Variants in KLF12 observed in about 807,000 individuals in gnomAD.
KLF12 encodes the protein KLF transcription factor 12.
A neutral mutation model predicts 37.8 loss-of-function variants in KLF12; 9 were observed. That is an observed-to-expected ratio of 0.24 (90% CI 0.14 to 0.42). KLF12 has a LOEUF of 0.42. Ranked by LOEUF, KLF12 falls within the 10% of genes least tolerant of loss-of-function variation. KLF12 has a pLI of 1.00. For synonymous variants in KLF12, 208 were observed against 202.1 expected (o/e 1.03, Z -0.25); for missense variants, 411 against 516.0 (o/e 0.80, Z 1.97).
chr13:73,946,762 G>C (rs1326567102), intron 2 of KLF12, among the ~76,000 whole-genome samples: 2 of 152,254 alleles, frequency 1.3e-5, no homozygotes, highest in East Asian at 3.9e-4. Flanking sequence ...GATTCAATCT[G>C]TATATATGCC....
At chr13:74,079,992 G>C (rs1468681894) in intron 1 of KLF12, among the ~76,000 whole-genome samples, 1 of 152,126 alleles carries the variant, frequency 6.6e-6, no homozygotes, top group African/African-American at 2.4e-5. Context: ...AAAGATGAAT[G>C]GATACACAAA....
chr13:73,888,571 GAGA>G (rs1334932690), intron 3 of KLF12, among the ~76,000 whole-genome samples: 3 of 152,218 alleles, frequency 2.0e-5, no homozygotes, highest in East Asian at 1.9e-4. Flanking sequence ...TAGTTAAAAA[GAGA>G]AGGTTATTGT....
At chr13:73,986,675 T>C (rs1042371171) in intron 2 of KLF12, among the ~76,000 whole-genome samples, 5 of 152,170 alleles carry the variant, frequency 3.3e-5, no homozygotes, top group Non-Finnish European at 2.9e-5. Flanking sequence ...TTATCTAGGA[T>C]AGGCCAAAGT....
At chr13:73,778,030 A>T (rs1045813331) in intron 5 of KLF12, among the ~76,000 whole-genome samples, 1 of 151,472 alleles carries the variant, frequency 6.6e-6, no homozygotes, top group Non-Finnish European at 1.5e-5. Context: ...GCTACTTGGG[A>T]GGCTGAGGCA....
chr13:73,770,630 C>A (rs1200091816), intron 5 of KLF12, among the ~76,000 whole-genome samples: 1 of 151,742 alleles, frequency 6.6e-6, no homozygotes, highest in East Asian at 1.9e-4. Context: ...TCAAGCAATT[C>A]TCCTGCCTCA....
intron 6 of KLF12, among the ~76,000 whole-genome samples, chr13:73,716,315 GAAAT>G (rs1421020999): frequency 6.6e-6 from 1 of 152,140 alleles, no homozygotes; most frequent in African/African-American, 2.4e-5. Context: ...GATTGAGACA[GAAAT>G]AATATGACTC....
At chr13:73,977,657 T>C (rs544524074) in intron 2 of KLF12, among the ~76,000 whole-genome samples, 67 of 152,332 alleles carry the variant, frequency 4.4e-4, no homozygotes, top group African/African-American at 1.6e-3. Flanking sequence ...AGACCTAGAA[T>C]AGTTAATATA....
the KLF12 span, among the ~76,000 whole-genome samples, chr13:74,198,212 G>A: frequency 9.2e-5 from 14 of 152,228 alleles, no homozygotes; most frequent in Admixed American, 5.2e-4. Flanking sequence ...AGACCCAGGC[G>A]GGGAAAGAAG....
the KLF12 span, among the ~76,000 whole-genome samples, chr13:74,211,356 G>A: frequency 6.6e-6 from 1 of 152,214 alleles, no homozygotes; most frequent in African/African-American, 2.4e-5. Flanking sequence ...ATCAGGTCGG[G>A]GTAAGGAGTT....
intron 6 of KLF12, among the ~76,000 whole-genome samples, chr13:73,740,092 G>GT (rs1432225009): frequency 6.6e-6 from 1 of 152,136 alleles, no homozygotes; most frequent in African/African-American, 2.4e-5. Context: ...CTGAAAGCTG[G>GT]TTTTTTAAAT....
At chr13:74,134,565 G>A (rs1361709338), upstream of KLF12, among the ~76,000 whole-genome samples, 2 of 149,454 alleles carry the variant, frequency 1.3e-5, no homozygotes, top group African/African-American at 2.5e-5. Context: ...CCGCCCTCCG[G>A]CCCCGGGCCT....
rs146628054 is a variant in KLF12 at position 73,692,636 on chromosome 13, T to A, written c.*2854A>T. On this transcript the variant is annotated 3_prime_UTR_variant, in exon 8 of 8. Transcript: ENST00000377669. The stretch of plus-strand genomic sequence containing the variant: ...CTTCCATGACTGAAGACATTCCATT[T>A]CTTTCTGTCCCAAACCACTTTCTCC... The A allele has an allele frequency of 3.9e-5, 6 of 152,778 alleles. No individual in the cohort carries two copies. The East Asian group carries it at 1.2e-3, about 30-fold the overall frequency. The allele number at this position is 152,778 out of a possible 1,614,324, so 9.5% of individuals were successfully genotyped here.
At chr13:73,852,543 A>G (rs573884747) in intron 3 of KLF12, among the ~76,000 whole-genome samples, 2 of 152,272 alleles carry the variant, frequency 1.3e-5, no homozygotes, top group East Asian at 3.9e-4. Flanking sequence ...ACATTTTGGG[A>G]GGCTGAGGCG....
intron 1 of KLF12, among the ~76,000 whole-genome samples, chr13:74,087,330 TA>T (rs376989402): frequency 0.017 from 2,568 of 150,372 alleles, 73 homozygotes; most frequent in African/African-American, 0.06. Context: ...CAGAAGGGTT[TA>T]AAAAAAATTT....
intron 1 of KLF12, among the ~76,000 whole-genome samples, chr13:74,001,177 C>A (rs1264770238): frequency 6.6e-6 from 1 of 152,142 alleles, no homozygotes; most frequent in Non-Finnish European, 1.5e-5. Context: ...TTAATCCCAT[C>A]TATCAGGAGG....
chr13:73,795,387 T>C (rs1174308950), intron 5 of KLF12, among the ~76,000 whole-genome samples: 1 of 152,354 alleles, frequency 6.6e-6, no homozygotes, highest in East Asian at 1.9e-4. Flanking sequence ...TGATATTCTC[T>C]ACCTGTCTCC....
chr13:73,868,513 C>T (rs9530255), intron 3 of KLF12, among the ~76,000 whole-genome samples: 63,629 of 151,440 alleles, frequency 0.42, 13,830 homozygotes, highest in Middle Eastern at 0.5. Context: ...GCCTCAGCCT[C>T]CCGAGTAGCT....
At chr13:73,885,972 G>A (rs1390974820) in intron 3 of KLF12, among the ~76,000 whole-genome samples, 3 of 152,176 alleles carry the variant, frequency 2.0e-5, no homozygotes, top group African/African-American at 7.2e-5. Flanking sequence ...TACAAAACTC[G>A]AGGAAGGTTG....
the KLF12 span, among the ~76,000 whole-genome samples, chr13:74,151,825 C>T: frequency 6.6e-5 from 10 of 152,062 alleles, no homozygotes; most frequent in African/African-American, 2.4e-4. Flanking sequence ...ACGGTAATGA[C>T]ATTAAGAATA....
Sources: allele counts gnomAD v4.1 joint callset (sites outside exome capture counted in the v4.1 genomes callset), GRCh38; gene constraint gnomAD v4.1.1; transcripts MANE v1.5; gene names NCBI Gene and HGNC (gene_info 2026-07-23, HGNC 2026-07-21).